CCDC171: variants seen among roughly 807,000 people sequenced by gnomAD.
CCDC171 encodes the protein coiled-coil domain containing 171.
Under a neutral mutation model 168.2 loss-of-function variants are expected in CCDC171, and 177 were observed. The ratio of observed to expected loss-of-function variants is 1.05; its 90% CI spans 0.93 to 1.19. The LOEUF (loss-of-function observed/expected upper bound fraction) is 1.19, where lower values mean the gene tolerates loss of function less well. CCDC171 is among the 50% of genes most tolerant of loss of function. The probability of loss-of-function intolerance (pLI) is 0.00; values close to 1 mark genes in which losing one functional copy is unlikely to be tolerated. For synonymous variants in CCDC171, 687 were observed against 540.8 expected (o/e 1.27, Z -3.75); for missense variants, 1,991 against 1,539.0 (o/e 1.29, Z -4.91).
At chr9:15,600,564 G>T (rs944254587) in intron 6 of CCDC171, among the ~76,000 whole-genome samples, 4 of 152,198 alleles carry the variant, frequency 2.6e-5, no homozygotes, top group Non-Finnish European at 5.9e-5. Flanking sequence ...GTGCCTCCCA[G>T]TTAGGCTACT....
intron 22 of CCDC171, among the ~76,000 whole-genome samples, chr9:15,847,759 T>G (rs2060963527): frequency 6.6e-6 from 1 of 152,074 alleles, no homozygotes; most frequent in East Asian, 1.9e-4. Context: ...CTGCAGAATG[T>G]ATATAAATCA....
chr9:15,970,920 G>C (rs1831299120), intron 25 of CCDC171, among the ~76,000 whole-genome samples: 1 of 152,090 alleles, frequency 6.6e-6, no homozygotes, highest in African/African-American at 2.4e-5. Flanking sequence ...CCTGGCTGAT[G>C]GGATCATTTG....
At chr9:15,791,852 G>C (rs1317536733) in intron 21 of CCDC171, among the ~76,000 whole-genome samples, 6 of 152,150 alleles carry the variant, frequency 3.9e-5, no homozygotes, top group Non-Finnish European at 8.8e-5. Context: ...ACCAAAGGTA[G>C]ATAAAACCAC....
rs138925923 is a variant in CCDC171 at position 15,595,012 on chromosome 9, A to G, written c.675+840A>G. Among the ~76,000 whole-genome samples, 70 of 152,308 alleles carry G rather than the reference A, an allele frequency of 4.6e-4. No homozygotes were observed. In the East Asian group the frequency reaches 0.013, roughly 28 times the overall value. ...AATGACAAATTGAAATAACCTTTCTATAGATGTCAAAGATATGCATTTTTC... is the reference window on the plus strand; with the variant it reads ...AATGACAAATTGAAATAACCTTTCTGTAGATGTCAAAGATATGCATTTTTC... On this transcript the variant is annotated intron_variant, in intron 6 of 25. Transcript: ENST00000380701.
chr9:16,073,540 T>G, the CCDC171 span, among the ~76,000 whole-genome samples: 1 of 152,244 alleles, frequency 6.6e-6, no homozygotes, highest in Non-Finnish European at 1.5e-5. Context: ...AAATTTCTTT[T>G]GGTCTCTTCC....
chr9:16,092,140 C>T, the CCDC171 span, among the ~76,000 whole-genome samples: 1 of 152,346 alleles, frequency 6.6e-6, no homozygotes, highest in East Asian at 1.9e-4. Context: ...TAGGATCTGC[C>T]TCCTCAGCTT....
At chr9:15,751,720 A>C (rs549412757) in intron 18 of CCDC171, among the ~76,000 whole-genome samples, 80 of 152,310 alleles carry the variant, frequency 5.3e-4, no homozygotes, top group African/African-American at 1.8e-3. Context: ...AGAAAGCTGA[A>C]ACTGGATCCC....
chr9:16,019,351 A>T (rs908369219), intron 3 of CCDC171, among the ~76,000 whole-genome samples: 1 of 152,178 alleles, frequency 6.6e-6, no homozygotes, highest in Admixed American at 6.5e-5. Context: ...GTAAAAGTAA[A>T]TTGTATGACC....
chr9:15,902,938 G>A (rs1821928660), intron 24 of CCDC171, among the ~76,000 whole-genome samples: 1 of 152,146 alleles, frequency 6.6e-6, no homozygotes, highest in Admixed American at 6.5e-5. Flanking sequence ...CTCATTGCAA[G>A]CACAGCAGTC....
chr9:15,666,188 C>A lies in CCDC171; in HGVS notation c.941C>A (p.Ala314Asp), dbSNP rs1425918654. 1.2e-6 allele frequency: 2 copies of A among 1,613,706 alleles called. No individual in the cohort carries two copies. Among genetic ancestry groups the A allele is most frequent in the South Asian group, 2.2e-5 (2 of 91,040 alleles). ...IQLRIRDLEG[A>D]LQVEKASQAE... ...TTACGGATTCGAGACCTTGAAGGAGCTTTGCAAGTAGAGAAGGCCAGTCAA... is the reference window on the plus strand; with the variant it reads ...TTACGGATTCGAGACCTTGAAGGAGATTTGCAAGTAGAGAAGGCCAGTCAA... The change falls in exon 9 of 26, where the codon GCT becomes GAT. Residue 314 changes from alanine to aspartate, a missense_variant. Physicochemically the swap from Ala to Asp is moderately radical, Grantham distance 126. Transcript: ENST00000380701.
chr9:15,942,878 T>C (rs1243699192), intron 25 of CCDC171, among the ~76,000 whole-genome samples: 1 of 151,730 alleles, frequency 6.6e-6, no homozygotes, highest in Non-Finnish European at 1.5e-5. Context: ...TTAATAGCAA[T>C]GTAGAATGGT....
At chr9:15,746,183 T>C (rs1450505120) in intron 18 of CCDC171, among the ~76,000 whole-genome samples, 2 of 152,206 alleles carry the variant, frequency 1.3e-5, no homozygotes, top group South Asian at 2.1e-4. Context: ...TTGCATGATA[T>C]TTTGTCTGAC....
At chr9:16,071,342 C>G in the CCDC171 span, among the ~76,000 whole-genome samples, 61,802 of 151,956 alleles carry the variant, frequency 0.41, 13,615 homozygotes, top group African/African-American at 0.59. Flanking sequence ...CTTGTTGTCT[C>G]TCCCATACAG....
At chr9:15,719,278 C>G (rs976299193) in intron 11 of CCDC171, among the ~76,000 whole-genome samples, 7 of 151,620 alleles carry the variant, frequency 4.6e-5, no homozygotes, top group African/African-American at 9.7e-5. Flanking sequence ...CGAAAATACA[C>G]AGTCAGAGGA....
intron 7 of CCDC171, 36 bp from the exon 8 acceptor site, chr9:15,657,091 A>G (rs780758986): frequency 8.3e-7 from 1 of 1,209,742 alleles, no homozygotes. Flanking sequence ...TTTAAATACC[A>G]ATGTTTATGA....
At chr9:15,682,414 G>A (rs1587936531) in intron 10 of CCDC171, among the ~76,000 whole-genome samples, 1 of 151,556 alleles carries the variant, frequency 6.6e-6, no homozygotes, top group African/African-American at 2.4e-5. Context: ...TTGTCTTTTG[G>A]GGGTATTTAA....
intron 24 of CCDC171, chr9:15,886,122 A>G (rs1819364698): frequency 6.6e-6 from 1 of 152,178 alleles, no homozygotes; most frequent in South Asian, 2.1e-4. Flanking sequence ...CACAATAATC[A>G]ACTCAAAATG....
At chr9:15,894,890 A>G (rs971823265) in intron 24 of CCDC171, among the ~76,000 whole-genome samples, 6 of 152,284 alleles carry the variant, frequency 3.9e-5, no homozygotes, top group Admixed American at 2.0e-4. Context: ...GTAAGATCCA[A>G]CAGGGCAGGG....
In CCDC171 at chr9:15,631,950, G is replaced by C. The variant is rs568296721; in HGVS notation, c.822+8537G>C. ...GATTATCTCAATAGATGCAGAAAAG[G>C]CCTTTGACAAAATTCAACAACCCTT... On this transcript the variant is annotated intron_variant, in intron 7 of 25. Transcript: ENST00000380701. Among the ~76,000 whole-genome samples, 4 of 152,008 alleles carry C rather than the reference G, an allele frequency of 2.6e-5. No homozygotes were observed. The South Asian group carries it at 8.3e-4, about 32-fold the overall frequency.
Sources: gnomAD v4.1 joint callset for allele counts (sites outside exome capture counted in the v4.1 genomes callset) on GRCh38, gnomAD v4.1.1 for gene constraint, MANE v1.5 for transcripts, NCBI Gene and HGNC (gene_info 2026-07-23, HGNC 2026-07-21) for gene names.